Variants in NLRP5 observed in about 807,000 individuals in gnomAD.
NLRP5 encodes NACHT, LRR and PYD domains-containing protein 5.
A neutral mutation model predicts 113.1 loss-of-function variants in NLRP5; 93 were observed. The ratio of observed to expected loss-of-function variants is 0.82; its 90% confidence interval spans 0.70 to 0.98. NLRP5 has a LOEUF of 0.98. Ranked by LOEUF, NLRP5 falls within the 50% of genes least tolerant of loss-of-function variation. The pLI, the probability that NLRP5 is intolerant of heterozygous loss-of-function variation, is 0.00. For synonymous variants in NLRP5, 751 were observed against 600.7 expected, an observed-to-expected ratio of 1.25 and a Z score of -3.66; for missense variants, 1,808 against 1,514.3, an observed-to-expected ratio of 1.19 and a Z score of -3.22.
chr19:56,058,271 T>C lies in NLRP5; in HGVS notation c.3331T>C (p.Cys1111Arg). Residue 1111 changes from cysteine (C) to arginine (R), a missense_variant, in exon 14 of 15, where the codon TGT (cysteine) becomes CGT (arginine). Physicochemically the swap from Cys to Arg is radical, Grantham distance 180. Coordinates refer to ENST00000390649, the MANE Select transcript of NLRP5 (RefSeq NM_153447.4). ...GGCATGTGGACTGACTTCTGATTGCTGTGAGGCACTCTCCTTGGCCCTTTC... is the reference window on the plus strand; with the variant it reads ...GGCATGTGGACTGACTTCTGATTGCCGTGAGGCACTCTCCTTGGCCCTTTC... 6.2e-7 allele frequency: 1 copy of C among 1,613,990 alleles called. No homozygotes were observed.
intron 3 of NLRP5, among the ~76,000 whole-genome samples, chr19:56,010,356 A>T (rs1201998383): frequency 6.6e-6 from 1 of 152,156 alleles, no homozygotes; most frequent in Non-Finnish European, 1.5e-5. Flanking sequence ...ACAAAGATGA[A>T]GGCCATCAGA....
At position 56,033,521 on chromosome 19, in the gene NLRP5, G is replaced by A. The variant is rs2083914493; in HGVS notation, c.2448-21G>A. ...ACTAAACATCACCAGTGTCGAATGT[G>A]TCTCCCCTTCCCCATTGCAGGTTTA... On this transcript the variant is annotated intron_variant, in intron 8 of 14. Coordinates refer to ENST00000390649, the MANE Select transcript of NLRP5 (RefSeq NM_153447.4). 6 of 1,594,450 alleles carry A rather than the reference G, an allele frequency of 3.8e-6. No individual in the cohort carries two copies. In the South Asian group the frequency reaches 5.6e-5, roughly 15 times the overall value.
chr19:56,026,576 G>A (rs1007880916), intron 6 of NLRP5, among the ~76,000 whole-genome samples: 5 of 143,608 alleles, frequency 3.5e-5, no homozygotes, highest in South Asian at 4.5e-4. Context: ...TTTGTTTCCC[G>A]ATTTATTTTT....
At chr19:56,035,217 A>G (rs1983267493) in intron 9 of NLRP5, among the ~76,000 whole-genome samples, 1 of 152,156 alleles carries the variant, frequency 6.6e-6, no homozygotes, top group Admixed American at 6.6e-5. Flanking sequence ...GTATTCTGAG[A>G]CAGACAAGTA....
Position 56,028,159 on chromosome 19 carries a change from C to T in NLRP5, c.1926C>T (p.Ser642=), listed in dbSNP as rs376806916. The T allele has an allele frequency of 1.2e-4, 201 of 1,613,874 alleles. No individual in the cohort carries two copies. The highest frequency in any genetic ancestry group is 1.6e-4 in the Non-Finnish European group (192 of 1,179,914). The change falls in exon 7 of 15, where the codon AGC becomes AGT. Residue 642 remains serine (S), a synonymous_variant. Transcript: ENST00000390649. Reference sequence around the variant, plus strand: ...AGCGTTTCTTGTTTGGCCTCGTGAGCGAAGACGTAAGGAGGCCACTGGAGG... The same window carrying T: ...AGCGTTTCTTGTTTGGCCTCGTGAGTGAAGACGTAAGGAGGCCACTGGAGG...
chr19:56,018,559 A>G (rs1982493923), intron 4 of NLRP5: 1 of 152,224 alleles, frequency 6.6e-6, no homozygotes, highest in Non-Finnish European at 1.5e-5. Context: ...GTTTATGACA[A>G]CTCACATTTG....
Position 56,030,714 on chromosome 19 carries a change from C to CTTTTTTTTTTTTTTTTTTTTTTTTTTT in NLRP5, c.2277-1879_2277-1878insTTTTTTTTTTTTTTTTTTTTTTTTTTT, listed in dbSNP as rs770624516. 1.2e-3 allele frequency among the ~76,000 whole-genome samples: 84 copies of CTTTTTTTTTTTTTTTTTTTTTTTTTTT among 71,350 alleles called. 22 individuals are homozygous for CTTTTTTTTTTTTTTTTTTTTTTTTTTT. Among genetic ancestry groups the CTTTTTTTTTTTTTTTTTTTTTTTTTTT allele is most frequent in the African/African-American group, 4.2e-3 (58 of 13,964 alleles). 46.8% of individuals were successfully genotyped at this position (71,350 alleles called of 152,430 possible). A position where few individuals can be genotyped will look rare whatever the true frequency, so the allele number is the denominator to read the frequency against. On this transcript the variant is annotated intron_variant, in intron 7 of 14. Coordinates refer to ENST00000390649, the MANE Select transcript of NLRP5 (RefSeq NM_153447.4). ...ACTTACATTCATTCGCTTTCTTCTT[C>CTTTTTTTTTTTTTTTTTTTTTTTTTTT]TTTTTTTTTTTTTTTTTTGAGACGG... is the stretch of plus-strand genomic sequence containing the variant.
At position 56,057,392 on chromosome 19, in the gene NLRP5, T is replaced by G. The variant is rs1379167144; in HGVS notation, c.3300-848T>G. On this transcript the variant is annotated intron_variant, in intron 13 of 14. Coordinates refer to ENST00000390649, the MANE Select transcript of NLRP5 (RefSeq NM_153447.4). ...GCTCTTAAGATGAAATTCTAAACCCTTAGTATGACCTAGGTGCCCAGCCTC... is the reference window on the plus strand; with the variant it reads ...GCTCTTAAGATGAAATTCTAAACCCGTAGTATGACCTAGGTGCCCAGCCTC... 2.0e-5 allele frequency among the ~76,000 whole-genome samples: 3 copies of G among 151,364 alleles called. No individual in the cohort carries two copies. In the East Asian group the frequency reaches 5.9e-4, roughly 30 times the overall value.
In NLRP5 at chr19:56,061,681, G is replaced by T; in HGVS notation, c.*153G>T. 1 of 841,424 alleles carries T rather than the reference G, an allele frequency of 1.2e-6. No homozygotes were observed. 52.1% of individuals were successfully genotyped at this position (841,424 alleles called of 1,614,324 possible). On this transcript the variant is annotated 3_prime_UTR_variant, in exon 15 of 15. Transcript: ENST00000390649. Reference sequence around the variant, plus strand: ...CCCTCAATGGTAGTGATTCTTCTGTGTTCACTCTACGTTGGTTACTGGATT... The same window carrying T: ...CCCTCAATGGTAGTGATTCTTCTGTTTTCACTCTACGTTGGTTACTGGATT...
intron 2 of NLRP5, among the ~76,000 whole-genome samples, chr19:56,007,095 G>T (rs1981950824): frequency 6.6e-6 from 1 of 151,504 alleles, no homozygotes; most frequent in South Asian, 2.1e-4. Flanking sequence ...GGGCACCGTG[G>T]CTCACGCCTG....
intron 11 of NLRP5, among the ~76,000 whole-genome samples, chr19:56,043,869 G>A (rs901562885): frequency 1.1e-4 from 17 of 149,616 alleles, no homozygotes; most frequent in East Asian, 4.1e-4. Context: ...GAGCCACCAC[G>A]CCTGGCCTCT....
chr19:55,998,185 A>T (rs1962624174), upstream of NLRP5, among the ~76,000 whole-genome samples: 1 of 152,134 alleles, frequency 6.6e-6, no homozygotes, highest in South Asian at 2.1e-4. Context: ...AATTTCAGAC[A>T]TTCTAAAATT....
At position 56,022,099 on chromosome 19, in the gene NLRP5, C is replaced by T. The variant is rs187647515; in HGVS notation, c.679+1668C>T. ...CAGTGTTGTCAACTTTAAATTGGGA[C>T]GAATAATATACACAAATATCGGTGA... On this transcript the variant is annotated intron_variant, in intron 6 of 14. Transcript: ENST00000390649. Among the ~76,000 whole-genome samples, 23 of 152,180 alleles carry T rather than the reference C, an allele frequency of 1.5e-4. No individual in the cohort carries two copies. The East Asian group carries it at 1.5e-3, about 10-fold the overall frequency.
chr19:56,031,155 A>AT (rs1201983732), intron 7 of NLRP5, among the ~76,000 whole-genome samples: 1 of 152,122 alleles, frequency 6.6e-6, no homozygotes, highest in Non-Finnish European at 1.5e-5. Flanking sequence ...AATTGCTCCA[A>AT]TTTTTAGGTG....
intron 12 of NLRP5, among the ~76,000 whole-genome samples, chr19:56,052,789 T>A (rs924440681): frequency 5.9e-5 from 9 of 152,214 alleles, no homozygotes; most frequent in African/African-American, 1.9e-4. Context: ...CCCTTTTGGA[T>A]TCCAGACCTA....
chr19:56,009,559 C>T (rs1982101440), intron 3 of NLRP5, among the ~76,000 whole-genome samples: 1 of 152,042 alleles, frequency 6.6e-6, no homozygotes, highest in Non-Finnish European at 1.5e-5. Context: ...AGCCACTGCT[C>T]TGCGTATTTA....
At chr19:56,026,527 CAAAAAA>C (rs375845864) in intron 6 of NLRP5, among the ~76,000 whole-genome samples, 1,865 of 40,360 alleles carry the variant, frequency 0.046, 65 homozygotes, top group African/African-American at 0.16. Flanking sequence ...GACTCCATCT[CAAAAAA>C]AAAAAAAAAA....
chr19:56,043,935 TTA>T (rs1330194258), intron 11 of NLRP5, among the ~76,000 whole-genome samples: 1 of 150,940 alleles, frequency 6.6e-6, no homozygotes, highest in African/African-American at 2.5e-5. Context: ...TCCCAGCTAT[TTA>T]TCTTTATTTT....
In NLRP5 at chr19:56,055,533, C is replaced by CTTTTTTTTTTTTTTTTTTTTTTTTTTTTT. The variant is rs1491011983; in HGVS notation, c.3299+1726_3299+1727insTTTTTTTTTTTTTTTTTTTTTTTTTTTTT. ...AGCTCCATGTTCTATTTTTCTTTCT[C>CTTTTTTTTTTTTTTTTTTTTTTTTTTTTT]TGTCTTTTTTTTTTTTTTTTTTTTT... On this transcript the variant is annotated intron_variant, in intron 13 of 14. Coordinates refer to ENST00000390649, the MANE Select transcript of NLRP5 (RefSeq NM_153447.4). 2.4e-4 allele frequency among the ~76,000 whole-genome samples: 24 copies of CTTTTTTTTTTTTTTTTTTTTTTTTTTTTT among 99,540 alleles called. 4 individuals carry two copies. Among genetic ancestry groups the CTTTTTTTTTTTTTTTTTTTTTTTTTTTTT allele is most frequent in the Non-Finnish European group, 3.9e-4 (19 of 48,256 alleles). The allele number at this position is 99,540 out of a possible 152,430, so 65.3% of individuals were successfully genotyped here. A position where few individuals can be genotyped will look rare whatever the true frequency, so the allele number is the denominator to read the frequency against.
Sources: allele counts gnomAD v4.1 joint callset (sites outside exome capture counted in the v4.1 genomes callset), GRCh38; gene constraint gnomAD v4.1.1; transcripts MANE v1.5; gene names NCBI Gene and HGNC (gene_info 2026-07-23, HGNC 2026-07-21).